SFSWAP: variants seen among roughly 807,000 people sequenced by gnomAD.
SFSWAP encodes splicing factor, suppressor of white-apricot homolog.
SFSWAP carries 17 observed loss-of-function variants against 100.7 expected under a neutral mutation model. The observed-to-expected ratio is 0.17, with a 90% confidence interval of 0.12 to 0.25. The LOEUF is 0.25. Ranked by LOEUF, SFSWAP falls within the 10% of genes least tolerant of loss-of-function variation. The probability of loss-of-function intolerance (pLI) is 1.00; values close to 1 mark genes in which losing one functional copy is unlikely to be tolerated. For missense variants in SFSWAP, 1,005 were observed against 1,262.6 expected, an observed-to-expected ratio of 0.80 and a Z score of 3.09; for synonymous variants, 504 against 510.1, an observed-to-expected ratio of 0.99 and a Z score of 0.16.
intron 11 of SFSWAP, among the ~76,000 whole-genome samples, chr12:131,761,027 G>A (rs1008008931): frequency 1.3e-5 from 2 of 152,138 alleles, no homozygotes; most frequent in East Asian, 1.9e-4. Flanking sequence ...AGCCTAGATC[G>A]CGCCACTGCA....
intron 15 of SFSWAP, among the ~76,000 whole-genome samples, chr12:131,789,446 C>T (rs1056495973): frequency 1.3e-5 from 2 of 152,108 alleles, no homozygotes; most frequent in African/African-American, 2.4e-5. Flanking sequence ...CACTTGAGCT[C>T]AGGAGTTGGA....
In SFSWAP at chr12:131,726,078, G is replaced by T. The variant is rs188140675; in HGVS notation, c.832+448G>T. Among the ~76,000 whole-genome samples, 33 of 152,230 alleles carry T rather than the reference G, an allele frequency of 2.2e-4. No individual in the cohort carries two copies. In the East Asian group the frequency reaches 6.4e-3, roughly 29 times the overall value. ...ATTTTAAGCTATTATTTTTATAACA[G>T]TGTCTCTATTTTGGAGTTCTTACTG... is the stretch of plus-strand genomic sequence containing the variant. On this transcript the variant is annotated intron_variant, in intron 5 of 17. Coordinates refer to ENST00000261674, the MANE Select transcript of SFSWAP (RefSeq NM_004592.4).
Position 131,764,464 on chromosome 12 carries a change from G to T in SFSWAP, c.1729G>T (p.Ala577Ser). 6.2e-7 allele frequency: 1 copy of T among 1,613,700 alleles called. No individual in the cohort carries two copies. Among genetic ancestry groups the T allele is most frequent in the Non-Finnish European group, 8.5e-7 (1 of 1,179,638 alleles). ...TCACCTTTCCTCAATAGCTTCCTTT[G>T]CTCCAATAAGCTTTGCAATCAAGGC... Reference protein sequence around the residue: ...PDGKLVKASFAPISFAIKAKE... With the variant: ...PDGKLVKASFSPISFAIKAKE... Residue 577 changes from alanine to serine, a missense_variant, in exon 12 of 18, where the codon GCT becomes TCT. This residue lies in a region of SFSWAP where 82 missense variants were observed against 131.0 expected (regional missense o/e 0.63). Coordinates refer to ENST00000261674, the MANE Select transcript of SFSWAP (RefSeq NM_004592.4).
In SFSWAP at chr12:131,725,683, C is replaced by T. The variant is rs1878901909; in HGVS notation, c.832+53C>T. 2.9e-6 allele frequency: 4 copies of T among 1,381,978 alleles called. No homozygotes were observed. The highest frequency in any genetic ancestry group is 1.8e-4 in the Middle Eastern group (1 of 5,612). The allele number at this position is 1,381,978 out of a possible 1,614,324, so 85.6% of individuals were successfully genotyped here. A position where few individuals can be genotyped will look rare whatever the true frequency, so the allele number is the denominator to read the frequency against. The stretch of plus-strand genomic sequence containing the variant: ...AGACTTTGGGCCTGTGTTGTGGGGG[C>T]GGCAGGCTGGGTGGTTCTGGGAAAA... On this transcript the variant is annotated intron_variant, in intron 5 of 17. Coordinates refer to ENST00000261674, the MANE Select transcript of SFSWAP (RefSeq NM_004592.4). This position sits in a 1 kb window ranked among gnomAD's most constrained non-coding sequence, Gnocchi z 4.3.
chr12:131,746,633 G>GA (rs1333147567), intron 7 of SFSWAP, among the ~76,000 whole-genome samples: 2 of 152,218 alleles, frequency 1.3e-5, no homozygotes, highest in Non-Finnish European at 2.9e-5. Flanking sequence ...AGTTTCCCAA[G>GA]AAAGGGTACA....
chr12:131,765,711 T>C (rs1367509743), intron 12 of SFSWAP, among the ~76,000 whole-genome samples: 3 of 152,122 alleles, frequency 2.0e-5, no homozygotes, highest in Non-Finnish European at 4.4e-5. Context: ...TCCATTGTGC[T>C]GTGGTGTTCT....
chr12:131,759,134 A>G (rs1882432172), intron 11 of SFSWAP, among the ~76,000 whole-genome samples: 2 of 152,222 alleles, frequency 1.3e-5, no homozygotes, highest in African/African-American at 4.8e-5. Context: ...ACACTAGAAA[A>G]TAAAGTATAT....
chr12:131,784,897 G>T (rs1884777960), intron 14 of SFSWAP: 1 of 459,686 alleles, frequency 2.2e-6, no homozygotes, highest in East Asian at 3.3e-5. Context: ...TTAAGAATTT[G>T]CAGGCCTTAA....
intron 7 of SFSWAP, among the ~76,000 whole-genome samples, chr12:131,744,130 T>C (rs886312824): frequency 6.6e-5 from 10 of 152,234 alleles, no homozygotes; most frequent in South Asian, 2.1e-4. Context: ...TGAAGACCTC[T>C]GACATGTTCT....
intron 4 of SFSWAP, among the ~76,000 whole-genome samples, chr12:131,721,293 A>G (rs1398195125): frequency 1.3e-5 from 2 of 152,162 alleles, no homozygotes; most frequent in African/African-American, 4.8e-5. Context: ...GATCCAAACT[A>G]TATTACTACA....
rs34744641 is a variant in SFSWAP at position 131,756,537 on chromosome 12, A to G, written c.1613A>G (p.Glu538Gly). The change falls in exon 11 of 18, where the codon GAG (glutamate) becomes GGG (glycine). Residue 538 changes from glutamate to glycine, a missense_variant. Physicochemically the swap from Glu to Gly is moderately conservative, Grantham distance 98 (BLOSUM62 -2). Coordinates refer to ENST00000261674, the MANE Select transcript of SFSWAP (RefSeq NM_004592.4). ...CCCGAGAAGCCAAGTGATGCTGGGG[A>G]GGATGGCGCGCCTGAAGACGCAGCC... ...SAPEKPSDAGEDGAPEDAAEV... is the reference protein window; with the variant it reads ...SAPEKPSDAGGDGAPEDAAEV... The G allele has an allele frequency of 1.3e-3, 2,177 of 1,613,860 alleles. 24 individuals are homozygous for G. The African/African-American group carries it at 0.023, about 17-fold the overall frequency.
intron 13 of SFSWAP, among the ~76,000 whole-genome samples, chr12:131,766,704 T>C (rs1883149239): frequency 2.0e-5 from 3 of 152,098 alleles, no homozygotes; most frequent in Admixed American, 2.0e-4. Flanking sequence ...CAGAAATCCT[T>C]TTGCCACGGT....
intron 7 of SFSWAP, among the ~76,000 whole-genome samples, chr12:131,732,596 C>G (rs1879614289): frequency 6.6e-6 from 1 of 152,208 alleles, no homozygotes; most frequent in Non-Finnish European, 1.5e-5. Flanking sequence ...CTTGGCTGCT[C>G]TCGGCTTGCT....
intron 7 of SFSWAP, among the ~76,000 whole-genome samples, chr12:131,741,644 C>CAAAAA (rs543737279): frequency 1.5e-5 from 1 of 68,848 alleles, no homozygotes. Flanking sequence ...AGACTCTGTC[C>CAAAAA]AAAAAAAAAA....
intron 14 of SFSWAP, chr12:131,785,372 G>A (rs1884819708): frequency 3.1e-6 from 2 of 646,196 alleles, no homozygotes; most frequent in Non-Finnish European, 5.1e-6. Context: ...GAGCTGATCT[G>A]CAGAAGCACA....
chr12:131,748,101 A>G lies in SFSWAP; in HGVS notation c.1082-5022A>G, dbSNP rs1298125423. On this transcript the variant is annotated intron_variant, in intron 7 of 17. Coordinates refer to ENST00000261674, the MANE Select transcript of SFSWAP (RefSeq NM_004592.4). ...TCCTGCCTCTCAGATGTGCTCAGCTAGTTACATTTGCCTGGCTAAAACACA... is the reference window on the plus strand; with the variant it reads ...TCCTGCCTCTCAGATGTGCTCAGCTGGTTACATTTGCCTGGCTAAAACACA... Among the ~76,000 whole-genome samples the G allele has an allele frequency of 2.0e-5, 3 of 152,204 alleles. No homozygotes were observed. The South Asian group carries it at 6.2e-4, about 31-fold the overall frequency.
chr12:131,750,302 G>A (rs185084358), intron 7 of SFSWAP, among the ~76,000 whole-genome samples: 8 of 152,354 alleles, frequency 5.3e-5, no homozygotes, highest in African/African-American at 1.7e-4. Context: ...CATAGGACAC[G>A]TCCCACATTC....
At chr12:131,748,719 A>G (rs2136217964) in intron 7 of SFSWAP, among the ~76,000 whole-genome samples, 1 of 152,376 alleles carries the variant, frequency 6.6e-6, no homozygotes, top group East Asian at 1.9e-4. Context: ...TGCACGTTTC[A>G]GAGGAGGCAG....
intron 9 of SFSWAP, among the ~76,000 whole-genome samples, chr12:131,755,122 T>G (rs990309886): frequency 8.5e-5 from 13 of 152,186 alleles, no homozygotes; most frequent in African/African-American, 3.1e-4. Flanking sequence ...AACCCTTCTT[T>G]TTAAAAACCA....
Sources: gnomAD v4.1 joint callset for allele counts (sites outside exome capture counted in the v4.1 genomes callset) on GRCh38, gnomAD v4.1.1 for gene constraint, gnomAD v4.1.1 regional missense constraint, Gnocchi (gnomAD v3.1) non-coding constraint, MANE v1.5 for transcripts, NCBI Gene and HGNC (gene_info 2026-07-23, HGNC 2026-07-21) for gene names.